Variants in TRPC5 observed in about 807,000 individuals in gnomAD.
TRPC5 encodes short transient receptor potential channel 5.
TRPC5 carries 9 observed loss-of-function variants against 56.5 expected under a neutral mutation model. The observed-to-expected ratio is 0.16, with a 90% CI of 0.10 to 0.28. The LOEUF is 0.28. Ranked by LOEUF, TRPC5 falls within the 10% of genes least tolerant of loss-of-function variation. The pLI, the probability that TRPC5 is intolerant of heterozygous loss-of-function variation, is 1.00. For missense variants in TRPC5, 469 were observed against 748.9 expected (o/e 0.63, Z 4.36); for synonymous variants, 282 against 278.5 (o/e 1.01, Z -0.13).
intron 1 of TRPC5, among the ~76,000 whole-genome samples, chrX:112,018,874 G>T (rs751097692): frequency 8.9e-6 from 1 of 111,802 alleles, no homozygotes; most frequent in Non-Finnish European, 1.9e-5. Flanking sequence ...TCTTCTAGCT[G>T]TTGGCTGGCG....
chrX:112,052,780 AT>A (rs1930247089), intron 1 of TRPC5, among the ~76,000 whole-genome samples: 1 of 111,648 alleles, frequency 9.0e-6, no homozygotes, highest in African/African-American at 3.3e-5. Context: ...TTTAGAGTTA[AT>A]TTTTGTACTT....
At chrX:111,903,096 C>T (rs775158864) in intron 3 of TRPC5, 16 of 111,489 alleles carry the variant, frequency 1.4e-4, no homozygotes, top group Admixed American at 2.9e-4. Context: ...CCTTGTTTTC[C>T]TGGGTCACCT....
At chrX:111,888,693 C>CAAAAAAAAAAA (rs753735549) in intron 3 of TRPC5, among the ~76,000 whole-genome samples, 1 of 10,973 alleles carries the variant, frequency 9.1e-5, no homozygotes, top group African/African-American at 2.2e-4. Context: ...GACTCTATCT[C>CAAAAAAAAAAA]AAAAAAAAAA....
chrX:111,854,207 A>G (rs1923160677), intron 3 of TRPC5, 101 bp from the exon 4 acceptor site: 1 of 890,252 alleles, frequency 1.1e-6, no homozygotes, highest in Non-Finnish European at 1.5e-6. Flanking sequence ...GCAAGGAGTT[A>G]CATGGCCAAT....
intron 7 of TRPC5, among the ~76,000 whole-genome samples, chrX:111,816,395 T>A (rs935429412): frequency 8.9e-6 from 1 of 111,833 alleles, no homozygotes; most frequent in Admixed American, 9.5e-5. Flanking sequence ...TTAATTATCT[T>A]TCCCTCTCTG....
At chrX:111,967,003 A>G in intron 1 of TRPC5, among the ~76,000 whole-genome samples, 1 of 111,537 alleles carries the variant, frequency 9.0e-6, no homozygotes, top group East Asian at 2.8e-4. Flanking sequence ...AGAAGGAAAT[A>G]AAGGGTATTC....
chrX:111,918,066 C>T (rs5985656), intron 2 of TRPC5, among the ~76,000 whole-genome samples: 17,381 of 110,497 alleles, frequency 0.16, 1,191 homozygotes, highest in African/African-American at 0.25. Flanking sequence ...AGGGAAGAGG[C>T]TGTAGACAAG....
chrX:111,821,954 T>C (rs766718825), intron 7 of TRPC5, among the ~76,000 whole-genome samples: 2 of 111,730 alleles, frequency 1.8e-5, no homozygotes, highest in African/African-American at 6.5e-5. Context: ...CAGAGTGTTG[T>C]GGACAGTGGT....
intron 7 of TRPC5, among the ~76,000 whole-genome samples, chrX:111,785,440 A>G (rs769633649): frequency 8.9e-6 from 1 of 111,862 alleles, no homozygotes; most frequent in Non-Finnish European, 1.9e-5. Context: ...GGTAGATAAA[A>G]CCACAAAGAT....
At chrX:112,072,802 C>G (rs1271641933) in intron 1 of TRPC5, among the ~76,000 whole-genome samples, 2 of 110,760 alleles carry the variant, frequency 1.8e-5, no homozygotes, top group Admixed American at 9.6e-5. Context: ...CTTGTCAGAT[C>G]GATCTCTCTC....
intron 3 of TRPC5, among the ~76,000 whole-genome samples, chrX:111,856,328 C>T (rs763452269): frequency 2.3e-4 from 25 of 109,562 alleles, no homozygotes; most frequent in African/African-American, 8.0e-4. Flanking sequence ...GATTGCTTGA[C>T]GCCAGGAATT....
chrX:111,843,756 A>G (rs1417782500), intron 6 of TRPC5, among the ~76,000 whole-genome samples: 1 of 110,580 alleles, frequency 9.0e-6, no homozygotes, highest in Non-Finnish European at 1.9e-5. Flanking sequence ...ACTTCCGCAC[A>G]GCAAGTAGGA....
intron 2 of TRPC5, among the ~76,000 whole-genome samples, chrX:111,940,429 G>A (rs187760446): frequency 0.029 from 3,268 of 111,228 alleles, 65 homozygotes; most frequent in Middle Eastern, 0.065. Context: ...GGTGGCTCAC[G>A]CCTGTAATCC....
At chrX:111,848,797 C>T (rs1412860338) in intron 5 of TRPC5, among the ~76,000 whole-genome samples, 4 of 111,963 alleles carry the variant, frequency 3.6e-5, no homozygotes, top group African/African-American at 1.3e-4. Flanking sequence ...TTGGCCAAAT[C>T]TTATATTTCT....
intron 1 of TRPC5, among the ~76,000 whole-genome samples, chrX:112,011,421 G>A (rs1928988863): frequency 8.9e-6 from 1 of 111,906 alleles, no homozygotes; most frequent in Admixed American, 9.5e-5. Context: ...CTGTGACTTG[G>A]AAAGAGTCAT....
chrX:111,798,336 G>A (rs1921175943), intron 7 of TRPC5, among the ~76,000 whole-genome samples: 1 of 112,045 alleles, frequency 8.9e-6, no homozygotes, highest in African/African-American at 3.2e-5. Flanking sequence ...GGTGTTGTGA[G>A]TGTCCATTTA....
At chrX:111,976,714 T>A (rs777509712) in intron 1 of TRPC5, among the ~76,000 whole-genome samples, 3 of 111,346 alleles carry the variant, frequency 2.7e-5, no homozygotes, top group Non-Finnish European at 5.7e-5. Context: ...GCAGATAATA[T>A]GATCATGTAT....
intron 1 of TRPC5, among the ~76,000 whole-genome samples, chrX:111,965,341 A>G (rs1927530214): frequency 1.8e-5 from 2 of 112,072 alleles, no homozygotes; most frequent in Admixed American, 9.5e-5. Context: ...TTAGTGACCA[A>G]CAAAGAGACT....
At chrX:112,023,267 T>G (rs1215326532) in intron 1 of TRPC5, among the ~76,000 whole-genome samples, 8 of 97,013 alleles carry the variant, frequency 8.2e-5, no homozygotes, top group African/African-American at 2.9e-4. Context: ...TTTTTTTTTT[T>G]TTTTTTTTAC....
Sources: allele counts gnomAD v4.1 joint callset (sites outside exome capture counted in the v4.1 genomes callset), GRCh38; gene constraint gnomAD v4.1.1; transcripts MANE v1.5; gene names NCBI Gene and HGNC (gene_info 2026-07-23, HGNC 2026-07-21).